CEP170: variants seen among roughly 807,000 people sequenced by gnomAD.
CEP170 encodes the protein centrosomal protein of 170 kDa.
In CEP170, 21 loss-of-function variants were observed where a neutral mutation model predicts 151.9. That is an observed-to-expected ratio of 0.14 (90% confidence interval 0.10 to 0.20). The LOEUF is 0.20. Ranked by LOEUF, CEP170 falls within the 10% of genes least tolerant of loss-of-function variation. CEP170 has a pLI of 1.00. For missense variants in CEP170, 964 were observed against 1,892.9 expected, an observed-to-expected ratio of 0.51 and a Z score of 9.11; for synonymous variants, 356 against 648.8, an observed-to-expected ratio of 0.55 and a Z score of 6.86.
intron 1 of CEP170, among the ~76,000 whole-genome samples, chr1:243,245,604 C>T (rs985468445): frequency 6.6e-6 from 1 of 152,044 alleles, no homozygotes; most frequent in East Asian, 1.9e-4. Flanking sequence ...ATTCCAGCTA[C>T]TCAGGAGGCT....
Position 243,202,894 on chromosome 1 carries a change from C to T in CEP170, c.275-2059G>A, listed in dbSNP as rs117832907. Among the ~76,000 whole-genome samples the T allele has an allele frequency of 5.1e-4, 77 of 152,260 alleles. No individual in the cohort carries two copies. In the East Asian group the frequency reaches 0.012, roughly 24 times the overall value. On this transcript the variant is annotated intron_variant, in intron 4 of 19. Coordinates refer to ENST00000366542, the MANE Select transcript of CEP170 (RefSeq NM_014812.3). ...CTGTTGTGAGGGTTTTCGGGTGCTT[C>T]AAGCTTACCTCCTGGGAGTGCCTGA...
chr1:243,192,768 A>T (rs989040286), intron 7 of CEP170, among the ~76,000 whole-genome samples: 4 of 152,244 alleles, frequency 2.6e-5, no homozygotes, highest in Non-Finnish European at 4.4e-5. Flanking sequence ...ATATGAAATA[A>T]TATAAAACCT....
chr1:243,172,362 C>T (rs1483491341), intron 11 of CEP170, among the ~76,000 whole-genome samples: 1 of 152,140 alleles, frequency 6.6e-6, no homozygotes, highest in Non-Finnish European at 1.5e-5. Flanking sequence ...AGGCCAAGTG[C>T]GGTGACTCAT....
At chr1:243,221,576 C>G in intron 3 of CEP170, 148 bp downstream of exon 3, 1 of 711,874 alleles carries the variant, frequency 1.4e-6, no homozygotes, top group Non-Finnish European at 2.3e-6. Context: ...ATTGGATGGT[C>G]CCCAAAGTGC....
At chr1:243,218,643 C>A (rs2062525546) in intron 3 of CEP170, among the ~76,000 whole-genome samples, 1 of 152,110 alleles carries the variant, frequency 6.6e-6, no homozygotes, top group African/African-American at 2.4e-5. Flanking sequence ...TTTTTCTAAA[C>A]AGTAACAGTG....
chr1:243,211,848 A>G, intron 4 of CEP170, 38 bp downstream of exon 4: 1 of 1,579,322 alleles, frequency 6.3e-7, no homozygotes. Context: ...AACATATTTG[A>G]ATAAATTTAA....
intron 14 of CEP170, among the ~76,000 whole-genome samples, chr1:243,146,335 G>A (rs983768358): frequency 1.3e-5 from 2 of 152,114 alleles, no homozygotes; most frequent in Non-Finnish European, 2.9e-5. Flanking sequence ...TGAGATTCGC[G>A]AAGAACGCAG....
At chr1:243,253,496 T>G (rs1486182623) in intron 1 of CEP170, among the ~76,000 whole-genome samples, 1 of 152,200 alleles carries the variant, frequency 6.6e-6, no homozygotes, top group African/African-American at 2.4e-5. Flanking sequence ...CAAGTGCACT[T>G]GGGCTCTTCC....
intron 2 of CEP170, among the ~76,000 whole-genome samples, chr1:243,222,346 G>C (rs540313548): frequency 7.9e-5 from 12 of 152,326 alleles, no homozygotes; most frequent in African/African-American, 2.2e-4. Context: ...CTCTAAGAGG[G>C]AAAGGGACTG....
intron 4 of CEP170, among the ~76,000 whole-genome samples, chr1:243,202,956 T>C (rs1572250203): frequency 6.6e-6 from 1 of 152,170 alleles, no homozygotes; most frequent in Admixed American, 6.5e-5. Flanking sequence ...GTATCCTCTT[T>C]AAACCTAGAC....
Position 243,183,635 on chromosome 1 carries a change from CT to C in CEP170, c.1566+2143del, listed in dbSNP as rs1271478111. 2.6e-5 allele frequency among the ~76,000 whole-genome samples: 4 copies of C among 152,112 alleles called. No homozygotes were observed. The South Asian group carries it at 8.3e-4, about 31-fold the overall frequency. On this transcript the variant is annotated intron_variant, in intron 10 of 19. Transcript: ENST00000366542. ...GATTCAAGCTAATGGAATCTTAGCT[CT>C]TTTTCTTTGGTAGTCACAAGATAAT...
intron 10 of CEP170, among the ~76,000 whole-genome samples, chr1:243,179,411 T>C (rs1333182672): frequency 2.0e-5 from 3 of 152,172 alleles, no homozygotes; most frequent in Non-Finnish European, 4.4e-5. Flanking sequence ...TCTAGTCTAT[T>C]TATCACAGCA....
intron 1 of CEP170, among the ~76,000 whole-genome samples, chr1:243,225,976 T>C (rs2063187684): frequency 6.7e-6 from 1 of 149,542 alleles, no homozygotes; most frequent in African/African-American, 2.5e-5. Context: ...CATATCTATC[T>C]ATCTATCTAT....
At chr1:243,166,462 T>C (rs2148565767) in intron 12 of CEP170, 2 of 202,392 alleles carry the variant, frequency 9.9e-6, no homozygotes, top group South Asian at 2.1e-4. Flanking sequence ...TCATTTCTTT[T>C]TCCCCTCTCA....
intron 17 of CEP170, among the ~76,000 whole-genome samples, chr1:243,132,718 A>G (rs1023407251): frequency 6.6e-6 from 1 of 152,198 alleles, no homozygotes; most frequent in Non-Finnish European, 1.5e-5. Context: ...TCTTTGGGGG[A>G]GACTACAGAA....
rs1379023826 is a variant in CEP170, at chr1:243,142,400, T to C, written c.3975A>G (p.Ser1325=). 1.9e-6 allele frequency: 3 copies of C among 1,591,966 alleles called. No homozygotes were observed. Among genetic ancestry groups the C allele is most frequent in the South Asian group, 2.3e-5 (2 of 88,056 alleles). The change falls in exon 15 of 20, where the codon TCA becomes TCG. Residue 1325 remains serine (S), a synonymous_variant. Transcript: ENST00000366542. The part of the protein sequence containing the change: ...EINDVAGEID[S]VTSSGTAPST... ...TAGGGGCAGTGCCTGATGAAGTCAC[T>C]GAATCTATCTCTCCTGCTACATCGT... is the stretch of plus-strand genomic sequence containing the variant.
intron 16 of CEP170, among the ~76,000 whole-genome samples, chr1:243,139,355 G>A (rs943635256): frequency 6.6e-5 from 10 of 152,190 alleles, no homozygotes; most frequent in African/African-American, 2.4e-4. Context: ...GCCCGCCTCG[G>A]TATTTTCTCT....
At chr1:243,169,492 A>C in intron 12 of CEP170, 136 bp downstream of exon 12, 1 of 1,471,908 alleles carries the variant, frequency 6.8e-7, no homozygotes, top group South Asian at 1.3e-5. Context: ...ACTTCTTACT[A>C]TATAGATTTG....
At chr1:243,214,405 C>G (rs12135263) in intron 3 of CEP170, among the ~76,000 whole-genome samples, 61,571 of 150,384 alleles carry the variant, frequency 0.41, 14,631 homozygotes, top group East Asian at 0.66. Flanking sequence ...CCTGCCTCAG[C>G]CTCTCAAGTA....
Sources: allele counts gnomAD v4.1 joint callset (sites outside exome capture counted in the v4.1 genomes callset), GRCh38; gene constraint gnomAD v4.1.1; transcripts MANE v1.5; gene names NCBI Gene and HGNC (gene_info 2026-07-23, HGNC 2026-07-21).